The following WDR7 variants were observed in gnomAD, a reference collection of about 807,000 sequenced individuals.
WDR7 encodes the protein WD repeat-containing protein 7.
A neutral mutation model predicts 169.4 loss-of-function variants in WDR7; 46 were observed. The observed-to-expected ratio is 0.27, with a 90% CI of 0.21 to 0.35. The LOEUF (loss-of-function observed/expected upper bound fraction) is 0.35. Among genes scored for constraint, WDR7 ranks in the 10% least tolerant of loss-of-function variants. The pLI is 1.00. For synonymous variants in WDR7, 612 were observed against 666.8 expected, an observed-to-expected ratio of 0.92 and a Z score of 1.27; for missense variants, 1,534 against 1,859.3, an observed-to-expected ratio of 0.83 and a Z score of 3.22.
At chr18:56,713,910 A>G (rs1478256238) in intron 12 of WDR7, among the ~76,000 whole-genome samples, 1 of 152,234 alleles carries the variant, frequency 6.6e-6, no homozygotes, top group Non-Finnish European at 1.5e-5. Flanking sequence ...GTGTTTTATC[A>G]GAACTTTTAA....
intron 14 of WDR7, among the ~76,000 whole-genome samples, chr18:56,736,070 A>G (rs749893124): frequency 1.3e-5 from 2 of 152,180 alleles, no homozygotes; most frequent in Non-Finnish European, 2.9e-5. Context: ...TTATGTTTCT[A>G]TAACTTGCTA....
chr18:56,787,957 C>G lies in WDR7; in HGVS notation c.3190+6301C>G, dbSNP rs1029221392. On this transcript the variant is annotated intron_variant, in intron 19 of 27. Coordinates refer to ENST00000254442, the MANE Select transcript of WDR7 (RefSeq NM_015285.3). ...AAGGATAGGGAGAGAGTTTGATAAACATGGTATGAGTCTTTCCCCCGCCCA... is the reference window on the plus strand; with the variant it reads ...AAGGATAGGGAGAGAGTTTGATAAAGATGGTATGAGTCTTTCCCCCGCCCA... 7.2e-5 allele frequency among the ~76,000 whole-genome samples: 11 copies of G among 152,300 alleles called. 1 individual carries two copies. Among genetic ancestry groups the G allele is most frequent in the African/African-American group, 2.6e-4 (11 of 41,562 alleles).
intron 16 of WDR7, among the ~76,000 whole-genome samples, chr18:56,760,580 A>C (rs1295291508): frequency 6.6e-6 from 1 of 152,062 alleles, no homozygotes; most frequent in Admixed American, 6.5e-5. Context: ...TTTTTTGGTC[A>C]TTAGACATTT....
chr18:56,872,695 T>C (rs1333046834), intron 20 of WDR7: 2 of 152,144 alleles, frequency 1.3e-5, no homozygotes, highest in African/African-American at 4.8e-5. Flanking sequence ...CACACAGGGC[T>C]AGTTGAAGGT....
chr18:56,679,614 CTG>C (rs1477007992), intron 3 of WDR7, among the ~76,000 whole-genome samples, 176 bp downstream of exon 3: 1 of 151,652 alleles, frequency 6.6e-6, no homozygotes, highest in Non-Finnish European at 1.5e-5. Context: ...TAAATTTTAT[CTG>C]TGTTAATGAT....
At chr18:56,966,734 G>A (rs921335162) in intron 26 of WDR7, among the ~76,000 whole-genome samples, 1 of 152,122 alleles carries the variant, frequency 6.6e-6, no homozygotes, top group East Asian at 1.9e-4. Context: ...TCAAGGATAC[G>A]GGGTTTCTGG....
intron 12 of WDR7, among the ~76,000 whole-genome samples, chr18:56,704,454 G>A (rs556747385): frequency 6.6e-6 from 1 of 152,000 alleles, no homozygotes; most frequent in African/African-American, 2.4e-5. Context: ...TGAGAGGATT[G>A]CTTGAGCCCT....
chr18:56,689,879 A>G (rs1056533834), intron 7 of WDR7, among the ~76,000 whole-genome samples: 1 of 143,194 alleles, frequency 7.0e-6, no homozygotes, highest in Non-Finnish European at 1.6e-5. Context: ...TCTTTCTTGG[A>G]GTTTTCTTGG....
chr18:56,830,050 CT>C (rs2145276637), intron 20 of WDR7, among the ~76,000 whole-genome samples: 1 of 152,272 alleles, frequency 6.6e-6, no homozygotes, highest in Admixed American at 6.5e-5. Context: ...GGTTAGTGTA[CT>C]GTCCACATAT....
At chr18:56,731,945 G>A (rs1281076798) in intron 14 of WDR7, among the ~76,000 whole-genome samples, 1 of 152,112 alleles carries the variant, frequency 6.6e-6, no homozygotes, top group East Asian at 1.9e-4. Flanking sequence ...AGGGAAAAAA[G>A]TAATTTAGGT....
At position 56,773,214 on chromosome 18, in the gene WDR7, T is replaced by G. The variant is rs532645811; in HGVS notation, c.2849-3568T>G. Among the ~76,000 whole-genome samples, 27 of 152,298 alleles carry G rather than the reference T, an allele frequency of 1.8e-4. No homozygotes were observed. The Middle Eastern group carries it at 0.014, about 77-fold the overall frequency. ...CCTGAAATAGAAATAGGGCCCCTTA[T>G]GAAGGCACTTTTGTTTTTATCTGGG... is the stretch of plus-strand genomic sequence containing the variant. On this transcript the variant is annotated intron_variant, in intron 16 of 27. Coordinates refer to ENST00000254442, the MANE Select transcript of WDR7 (RefSeq NM_015285.3).
rs149527185 is a variant in WDR7, at chr18:56,859,773, C to T, written c.3305-20171C>T. Among the ~76,000 whole-genome samples the T allele has an allele frequency of 2.1e-3, 319 of 152,198 alleles. 1 individual carries two copies. The highest frequency in any genetic ancestry group is 7.3e-3 in the African/African-American group (302 of 41,522). On this transcript the variant is annotated intron_variant, in intron 20 of 27. Transcript: ENST00000254442. ...ATTGAACTTAGGTCTTTTGTTAACA[C>T]GTCTTAGTAATGATGAGGAAGAATA...
intron 20 of WDR7, among the ~76,000 whole-genome samples, chr18:56,836,693 A>G (rs2045402121): frequency 1.3e-5 from 2 of 152,178 alleles, no homozygotes; most frequent in Admixed American, 6.5e-5. Context: ...AACACAAAGG[A>G]TGATTTTATT....
Position 56,695,110 on chromosome 18 carries a change from T to C in WDR7, c.1269T>C (p.Cys423=), listed in dbSNP as rs200421442. The C allele has an allele frequency of 5.1e-5, 83 of 1,613,946 alleles. No homozygotes were observed. The highest frequency in any genetic ancestry group is 6.9e-5 in the Non-Finnish European group (82 of 1,180,020). Residue 423 remains cysteine, a synonymous_variant, in exon 11 of 28, where the codon TGT becomes TGC. Transcript: ENST00000254442. ...VYIPAHGRLV[C]GREDGSIVIV... is the part of the protein sequence containing the mutation. ...TACCAGCACATGGACGACTTGTTTG[T>C]GGTCGTGAAGATGGAAGCATAGTTA...
At chr18:56,842,734 A>T (rs1252250779) in intron 20 of WDR7, among the ~76,000 whole-genome samples, 2 of 152,224 alleles carry the variant, frequency 1.3e-5, no homozygotes, top group Non-Finnish European at 2.9e-5. Flanking sequence ...AAATGCACAT[A>T]GGAAACTACT....
intron 1 of WDR7, among the ~76,000 whole-genome samples, chr18:56,662,524 A>G (rs967329432): frequency 9.9e-5 from 15 of 152,212 alleles, no homozygotes; most frequent in Non-Finnish European, 1.6e-4. Context: ...CAAATGGTCG[A>G]AGGTAGCATT....
At chr18:56,779,914 T>C (rs72916617) in intron 18 of WDR7, among the ~76,000 whole-genome samples, 22,779 of 152,214 alleles carry the variant, frequency 0.15, 2,172 homozygotes, top group Non-Finnish European at 0.2. Flanking sequence ...AATTAAGTTC[T>C]AATTCAATTG....
chr18:56,996,488 T>A (rs2047900757), intron 26 of WDR7, among the ~76,000 whole-genome samples: 1 of 152,210 alleles, frequency 6.6e-6, no homozygotes, highest in Non-Finnish European at 1.5e-5. Flanking sequence ...GAGATTACAT[T>A]TCTTAATTTG....
chr18:56,914,401 C>A (rs1305438102), intron 21 of WDR7, among the ~76,000 whole-genome samples: 1 of 152,200 alleles, frequency 6.6e-6, no homozygotes, highest in African/African-American at 2.4e-5. Context: ...AGAGCATAGA[C>A]TTTTGTAAAT....
Sources: gnomAD v4.1 joint callset for allele counts (sites outside exome capture counted in the v4.1 genomes callset) on GRCh38, gnomAD v4.1.1 for gene constraint, MANE v1.5 for transcripts, NCBI Gene and HGNC (gene_info 2026-07-23, HGNC 2026-07-21) for gene names.